RHOBTB2: variants seen among roughly 807,000 people sequenced by gnomAD.
RHOBTB2 encodes rho-related BTB domain-containing protein 2.
RHOBTB2 carries 39 observed loss-of-function variants against 66.5 expected under a neutral mutation model. The ratio of observed to expected loss-of-function variants is 0.59; its 90% CI spans 0.45 to 0.77. The LOEUF (loss-of-function observed/expected upper bound fraction) is 0.77, where lower values mean the gene tolerates loss of function less well. Among genes scored for constraint, RHOBTB2 ranks in the 30% least tolerant of loss-of-function variants. The probability of loss-of-function intolerance (pLI) is 0.00; values close to 1 mark genes in which losing one functional copy is unlikely to be tolerated. For synonymous variants in RHOBTB2, 390 were observed against 395.0 expected, an observed-to-expected ratio of 0.99 and a Z score of 0.15; for missense variants, 755 against 999.1, an observed-to-expected ratio of 0.76 and a Z score of 3.29.
the RHOBTB2 span, among the ~76,000 whole-genome samples, chr8:22,967,372 G>A: frequency 0.29 from 44,318 of 151,910 alleles, 7,005 homozygotes; most frequent in East Asian, 0.42. Flanking sequence ...ACTTTGGGAG[G>A]CTGAGGCGGG....
Position 23,007,170 on chromosome 8 carries a change from TC to T in RHOBTB2, c.926del (p.Ser309TrpfsTer86). ...GAGTGAGGGGGAGCTGGGGGGCCCCTCGGAGCCAGGGGGCACCCACCCAGAG... is the reference window on the plus strand; with the variant it reads ...GAGTGAGGGGGAGCTGGGGGGCCCCTGGAGCCAGGGGGCACCCACCCAGAG... ...DLSEGELGGP[S>X]EPGGTHPEDH... On this transcript the variant is annotated frameshift_variant, in exon 5 of 10. Coordinates refer to ENST00000251822, the MANE Select transcript of RHOBTB2 (RefSeq NM_015178.3). LOFTEE classifies it high-confidence loss of function. The T allele has an allele frequency of 6.2e-7, 1 of 1,604,278 alleles. No individual in the cohort carries two copies.
At position 23,020,003 on chromosome 8, in the gene RHOBTB2, C is replaced by T. The variant is rs1811453963; in HGVS notation, c.*2534C>T. On this transcript the variant is annotated 3_prime_UTR_variant, in exon 10 of 10. Transcript: ENST00000251822. ...GATTCAGGAAACACCCCCAGGAGGC[C>T]AAGCCTGAAAACAGAGGGGAGGGAG... 3.2e-6 allele frequency: 1 copy of T among 308,528 alleles called. No homozygotes were observed. The highest frequency in any genetic ancestry group is 2.2e-5 in the African/African-American group (1 of 45,440). 19.1% of individuals were successfully genotyped at this position (308,528 alleles called of 1,614,324 possible).
chr8:22,970,783 C>T, the RHOBTB2 span, among the ~76,000 whole-genome samples: 1 of 152,080 alleles, frequency 6.6e-6, no homozygotes, highest in Non-Finnish European at 1.5e-5. Context: ...AAAAACCCAT[C>T]AGTCTCATAC....
intron 1 of RHOBTB2, among the ~76,000 whole-genome samples, chr8:22,988,150 C>T (rs1047211308): frequency 1.2e-4 from 15 of 129,052 alleles, no homozygotes; most frequent in Non-Finnish European, 2.2e-4. Context: ...CCTGCTCCTT[C>T]CCCTTTTTTT....
At chr8:22,978,941 T>A in the RHOBTB2 span, among the ~76,000 whole-genome samples, 1 of 152,208 alleles carries the variant, frequency 6.6e-6, no homozygotes, top group Non-Finnish European at 1.5e-5. Flanking sequence ...GTTCCCTGCC[T>A]GTCTTCCTTT....
At chr8:23,008,842 C>T (rs189908754) in intron 6 of RHOBTB2, among the ~76,000 whole-genome samples, 3 of 152,094 alleles carry the variant, frequency 2.0e-5, no homozygotes, top group Admixed American at 2.0e-4. Context: ...GGGATTAGGG[C>T]AGGGGAACAG....
At chr8:23,008,250 G>T (rs1195762411) in intron 6 of RHOBTB2, 139 bp downstream of exon 6, 1 of 644,584 alleles carries the variant, frequency 1.6e-6, no homozygotes, top group African/African-American at 1.8e-5. Flanking sequence ...AGGTTTATGA[G>T]GTGGTTCTTG....
intron 1 of RHOBTB2, among the ~76,000 whole-genome samples, chr8:23,002,571 TC>T (rs1241316489): frequency 2.6e-5 from 4 of 152,216 alleles, no homozygotes; most frequent in African/African-American, 9.6e-5. Context: ...ACACCTGTAA[TC>T]CCAGCTACCT....
At chr8:22,958,022 G>T in the RHOBTB2 span, among the ~76,000 whole-genome samples, 1 of 152,220 alleles carries the variant, frequency 6.6e-6, no homozygotes, top group Non-Finnish European at 1.5e-5. Context: ...CCCAGGAAAG[G>T]CCTAGGCAAA....
Position 23,008,052 on chromosome 8 carries a change from A to G in RHOBTB2, c.1561A>G (p.Ser521Gly). The G allele has an allele frequency of 6.2e-7, 1 of 1,613,714 alleles. No homozygotes were observed. Among genetic ancestry groups the G allele is most frequent in the Non-Finnish European group, 8.5e-7 (1 of 1,179,904 alleles). The change falls in exon 6 of 10, where the codon AGC (serine) becomes GGC (glycine). Residue 521 changes from serine (S) to glycine (G), a missense_variant. Around this residue, in one of 7 missense-constraint regions of RHOBTB2, gnomAD observed 353 missense variants for 458.2 expected, o/e 0.77. Transcript: ENST00000251822. ...ISAHKPLLISSCDWMAAMFGG... is the reference protein window; with the variant it reads ...ISAHKPLLISGCDWMAAMFGG... ...CGCCCACAAGCCCCTGTTGATTTCCAGCTGTGACTGGATGGCTGCCATGTT... is the reference window on the plus strand; with the variant it reads ...CGCCCACAAGCCCCTGTTGATTTCCGGCTGTGACTGGATGGCTGCCATGTT...
At chr8:22,996,768 C>A (rs1158425961), upstream of RHOBTB2, among the ~76,000 whole-genome samples, 30 of 152,024 alleles carry the variant, frequency 2.0e-4, no homozygotes, top group Admixed American at 2.0e-3. Flanking sequence ...CGGGTGCTAA[C>A]AGCTGGGGAC....
At chr8:22,977,399 G>A in the RHOBTB2 span, among the ~76,000 whole-genome samples, 4 of 151,898 alleles carry the variant, frequency 2.6e-5, no homozygotes, top group African/African-American at 9.7e-5. Flanking sequence ...GGGCAACATG[G>A]CAAAACCCCG....
the RHOBTB2 span, among the ~76,000 whole-genome samples, chr8:22,965,278 C>CAA: frequency 3.3e-5 from 5 of 152,060 alleles, no homozygotes; most frequent in Admixed American, 2.0e-4. Flanking sequence ...CTATCTGACT[C>CAA]AAAAAGAAAA....
At chr8:22,997,914 T>G (rs1451305978), upstream of RHOBTB2, among the ~76,000 whole-genome samples, 1 of 152,220 alleles carries the variant, frequency 6.6e-6, no homozygotes, top group Non-Finnish European at 1.5e-5. Flanking sequence ...GCCAAACATG[T>G]GGAGGAAGAA....
At chr8:22,995,940 C>T (rs1056057384), upstream of RHOBTB2, 12 of 1,503,116 alleles carry the variant, frequency 8.0e-6, no homozygotes, top group Non-Finnish European at 1.1e-5. Context: ...AGGGAAGGTG[C>T]AGGTTGGAGG....
Position 23,004,110 on chromosome 8 carries a change from G to A in RHOBTB2, c.-10-315G>A. The A allele has an allele frequency of 2.5e-6, 1 of 402,844 alleles. No individual in the cohort carries two copies. The allele number at this position is 402,844 out of a possible 1,614,324, so 25.0% of individuals were successfully genotyped here. ...CTGCCCTCTCTGGAGAGGGGACAGG[G>A]CAGGGCCTCGGCAAGCTCCACTGGT... On this transcript the variant is annotated intron_variant, in intron 1 of 9. Coordinates refer to ENST00000251822, the MANE Select transcript of RHOBTB2 (RefSeq NM_015178.3). This position sits in a 1 kb window ranked among gnomAD's most constrained non-coding sequence, Gnocchi z 6.4.
chr8:22,992,366 GA>G (rs763489645), intron 2 of RHOBTB2, among the ~76,000 whole-genome samples: 12 of 151,890 alleles, frequency 7.9e-5, no homozygotes, highest in African/African-American at 2.7e-4. Flanking sequence ...AAAAAGTTGT[GA>G]AAAAAAACCA....
At chr8:22,956,510 C>G in the RHOBTB2 span, among the ~76,000 whole-genome samples, 1 of 152,182 alleles carries the variant, frequency 6.6e-6, no homozygotes, top group African/African-American at 2.4e-5. Flanking sequence ...CTCACTCCCC[C>G]TTTGCCTTCT....
At chr8:22,994,449 A>G in intron 2 of RHOBTB2, 1 of 636,204 alleles carries the variant, frequency 1.6e-6, no homozygotes, top group Non-Finnish European at 2.8e-6. Flanking sequence ...TGTCCTGAGT[A>G]GGGCCCTCTA....
Sources: gnomAD v4.1 joint callset for allele counts (sites outside exome capture counted in the v4.1 genomes callset) on GRCh38, gnomAD v4.1.1 for gene constraint, gnomAD v4.1.1 regional missense constraint, Gnocchi (gnomAD v3.1) non-coding constraint, MANE v1.5 for transcripts, NCBI Gene and HGNC (gene_info 2026-07-23, HGNC 2026-07-21) for gene names.